CATSPERE: variants seen among roughly 807,000 people sequenced by gnomAD.
The protein encoded by CATSPERE is cation channel sperm-associated auxiliary subunit epsilon.
CATSPERE carries 93 observed loss-of-function variants against 114.1 expected under a neutral mutation model. That is an observed-to-expected ratio of 0.81 (90% CI 0.69 to 0.97). The LOEUF is 0.97. CATSPERE is among the 50% of genes least tolerant of loss of function. The probability of loss-of-function intolerance (pLI) is 0.00; values close to 1 mark genes in which losing one functional copy is unlikely to be tolerated. For synonymous variants in CATSPERE, 341 were observed against 384.1 expected (o/e 0.89, Z 1.31); for missense variants, 1,058 against 1,131.6 (o/e 0.93, Z 0.93).
chr1:244,451,750 G>A (rs1306147096), upstream of CATSPERE: 2 of 1,602,342 alleles, frequency 1.2e-6, no homozygotes, highest in African/African-American at 1.3e-5. This position sits in a 1 kb window ranked among gnomAD's most constrained non-coding sequence, Gnocchi z 6.6. Context: ...TCCGGGCCGC[G>A]CCCTGGGGCG....
intron 1 of CATSPERE, among the ~76,000 whole-genome samples, chr1:244,455,466 G>A (rs936209705): frequency 1.7e-4 from 25 of 151,474 alleles, no homozygotes; most frequent in African/African-American, 5.3e-4. Flanking sequence ...AATATTGGCC[G>A]CTTGGCGTGG....
intron 7 of CATSPERE, among the ~76,000 whole-genome samples, chr1:244,507,296 G>A (rs1674975256): frequency 6.6e-6 from 1 of 152,058 alleles, no homozygotes; most frequent in African/African-American, 2.4e-5. Flanking sequence ...TGGATTGCAT[G>A]GTAGTTTCAT....
At chr1:244,481,916 C>T (rs964835374) in intron 5 of CATSPERE, among the ~76,000 whole-genome samples, 3 of 152,194 alleles carry the variant, frequency 2.0e-5, no homozygotes, top group Non-Finnish European at 4.4e-5. Flanking sequence ...CAAACTAGGA[C>T]ATCTGCCAAG....
At position 244,635,514 on chromosome 1, in the gene CATSPERE, G is replaced by T; in HGVS notation, c.2674G>T (p.Ala892Ser). 6.2e-7 allele frequency: 1 copy of T among 1,612,820 alleles called. No individual in the cohort carries two copies. Among genetic ancestry groups the T allele is most frequent in the East Asian group, 2.2e-5 (1 of 44,848 alleles). Residue 892 changes from alanine (A) to serine (S), a missense_variant, in exon 21 of 22, where the codon GCA (alanine) becomes TCA (serine). Transcript: ENST00000366534. ...YSFCNLTAMF[A>S]IETFGLIPSP... is the part of the protein sequence containing the mutation. ...TTTCTGTAACCTAACAGCTATGTTT[G>T]CAATAGAGACATTTGGACTGATTCC...
At position 244,607,763 on chromosome 1, in the gene CATSPERE, G is replaced by A. The variant is rs540573966; in HGVS notation, c.2403+1969G>A. Among the ~76,000 whole-genome samples, 5 of 152,296 alleles carry A rather than the reference G, an allele frequency of 3.3e-5. No homozygotes were observed. The South Asian group carries it at 1.0e-3, about 32-fold the overall frequency. The stretch of plus-strand genomic sequence containing the variant: ...TTCCTAATTCACTGCTTTGAGGAGA[G>A]GCACCGTCAGAACCATCTAACCAGG... On this transcript the variant is annotated intron_variant, in intron 18 of 21. Coordinates refer to ENST00000366534, the MANE Select transcript of CATSPERE (RefSeq NM_001130957.2). The surrounding 1 kb of genome is among the most constrained non-coding windows in gnomAD (Gnocchi z 4.4).
intron 8 of CATSPERE, among the ~76,000 whole-genome samples, chr1:244,543,576 G>T (rs1249453348): frequency 6.7e-6 from 1 of 150,058 alleles, no homozygotes; most frequent in Non-Finnish European, 1.5e-5. Context: ...GTGTATCAGG[G>T]TGATTATAGT....
intron 2 of CATSPERE, among the ~76,000 whole-genome samples, chr1:244,470,284 T>G (rs1668269022): frequency 6.6e-6 from 1 of 152,244 alleles, no homozygotes; most frequent in Non-Finnish European, 1.5e-5. Flanking sequence ...TTCATGTATC[T>G]TATTATGGAC....
intron 8 of CATSPERE, among the ~76,000 whole-genome samples, chr1:244,522,281 A>G (rs562240068): frequency 2.0e-5 from 3 of 152,332 alleles, no homozygotes; most frequent in Admixed American, 6.5e-5. Context: ...TGTTCTTTGA[A>G]ACCAATGAAA....
intron 19 of CATSPERE, among the ~76,000 whole-genome samples, chr1:244,613,886 T>C (rs1460809409): frequency 6.6e-6 from 1 of 152,214 alleles, no homozygotes; most frequent in Non-Finnish European, 1.5e-5. Flanking sequence ...CATACATGGA[T>C]TAATCCATTC....
chr1:244,630,402 A>G (rs1323152233), intron 20 of CATSPERE, among the ~76,000 whole-genome samples: 1 of 152,214 alleles, frequency 6.6e-6, no homozygotes, highest in Non-Finnish European at 1.5e-5. Context: ...TTAAAGATTT[A>G]CATGTTAGTG....
chr1:244,479,642 A>G, intron 4 of CATSPERE, 75 bp from the exon 5 acceptor site: 1 of 801,870 alleles, frequency 1.2e-6, no homozygotes, highest in Non-Finnish European at 2.0e-6. Flanking sequence ...TTCCTCTGTG[A>G]CTTCTGTGGC....
intron 20 of CATSPERE, among the ~76,000 whole-genome samples, chr1:244,634,677 C>T (rs1674387084): frequency 6.6e-6 from 1 of 152,182 alleles, no homozygotes; most frequent in Non-Finnish European, 1.5e-5. Flanking sequence ...GAATGCAAAT[C>T]CCAGCTCTGC....
At chr1:244,574,085 T>C (rs1168886751) in intron 11 of CATSPERE, among the ~76,000 whole-genome samples, 1 of 152,228 alleles carries the variant, frequency 6.6e-6, no homozygotes, top group East Asian at 1.9e-4. Flanking sequence ...CTCCATTGAC[T>C]GAAGCTAGAC....
intron 2 of CATSPERE, among the ~76,000 whole-genome samples, chr1:244,467,407 A>G (rs1667769038): frequency 6.6e-6 from 1 of 152,224 alleles, no homozygotes; most frequent in African/African-American, 2.4e-5. Flanking sequence ...TTAAAATTAC[A>G]GGGAGATGTA....
rs1391425764 is a variant in CATSPERE, at chr1:244,557,508, A to G, written c.1030-3160A>G. 1.2e-4 allele frequency among the ~76,000 whole-genome samples: 14 copies of G among 121,218 alleles called. 1 individual carries two copies. Among genetic ancestry groups the G allele is most frequent in the African/African-American group, 4.0e-4 (14 of 35,040 alleles). 79.5% of individuals were successfully genotyped at this position (121,218 alleles called of 152,430 possible). ...TTTATATATTTATTTATATATATGTATATATAATTTTATTTGAAATATTCA... is the reference window on the plus strand; with the variant it reads ...TTTATATATTTATTTATATATATGTGTATATAATTTTATTTGAAATATTCA... On this transcript the variant is annotated intron_variant, in intron 9 of 21. Coordinates refer to ENST00000366534, the MANE Select transcript of CATSPERE (RefSeq NM_001130957.2).
rs904268044 is a variant in CATSPERE, at chr1:244,504,828, T to C, written c.429+5749T>C. Among the ~76,000 whole-genome samples, 1 of 152,242 alleles carries C rather than the reference T, an allele frequency of 6.6e-6. No homozygotes were observed. The highest frequency in any genetic ancestry group is 1.5e-5 in the Non-Finnish European group (1 of 68,040). On this transcript the variant is annotated intron_variant, in intron 7 of 21. Transcript: ENST00000366534. The surrounding 1 kb of genome is among the most constrained non-coding windows in gnomAD (Gnocchi z 4.1). ...ATCACCTGGCTTGTGATTGTGATCC[T>C]CTACTGTAAAGTTCCTCTTTCTTCT...
At chr1:244,615,729 G>A (rs1196124102) in intron 19 of CATSPERE, among the ~76,000 whole-genome samples, 1 of 152,040 alleles carries the variant, frequency 6.6e-6, no homozygotes, top group African/African-American at 2.4e-5. Context: ...ATAGTATGTA[G>A]GATATGTCTG....
intron 7 of CATSPERE, among the ~76,000 whole-genome samples, chr1:244,505,347 C>T (rs1326212153): frequency 1.3e-5 from 2 of 152,116 alleles, no homozygotes; most frequent in Non-Finnish European, 1.5e-5. Context: ...ACATCAAGAT[C>T]GGGGTACTAG....
chr1:244,610,768 T>C (rs1275218780), intron 19 of CATSPERE, among the ~76,000 whole-genome samples: 1 of 151,716 alleles, frequency 6.6e-6, no homozygotes, highest in Non-Finnish European at 1.5e-5. Context: ...TTTTTTTTTT[T>C]TTGAGACAGA....
Sources: allele counts gnomAD v4.1 joint callset (sites outside exome capture counted in the v4.1 genomes callset), GRCh38; gene constraint gnomAD v4.1.1; non-coding constraint Gnocchi (gnomAD v3.1); transcripts MANE v1.5; gene names NCBI Gene and HGNC (gene_info 2026-07-23, HGNC 2026-07-21).